The following QRFPR variants were observed in gnomAD, a reference collection of about 807,000 sequenced individuals.
QRFPR encodes the protein pyroglutamylated RFamide peptide receptor.
A neutral mutation model predicts 31.3 loss-of-function variants in QRFPR; 37 were observed. That is an observed-to-expected ratio of 1.18 (90% CI 0.91 to 1.56). QRFPR has a LOEUF of 1.56. Ranked by LOEUF, QRFPR falls within the 40% of genes most tolerant of loss-of-function variation. The pLI is 0.00. For missense variants in QRFPR, 542 were observed against 532.5 expected, an observed-to-expected ratio of 1.02 and a Z score of -0.18; for synonymous variants, 197 against 192.0, an observed-to-expected ratio of 1.03 and a Z score of -0.22.
rs528855878 is a variant in QRFPR at position 121,335,114 on chromosome 4, T to G, written c.561+1693A>C. Reference sequence around the variant, plus strand: ...GACTCATCTATTTGACAGTGAGGACTGGCTTTGCCAATGACATGACATGCA... The same window carrying G: ...GACTCATCTATTTGACAGTGAGGACGGGCTTTGCCAATGACATGACATGCA... On this transcript the variant is annotated intron_variant, in intron 3 of 5. Transcript: ENST00000394427. 3.9e-5 allele frequency among the ~76,000 whole-genome samples: 6 copies of G among 152,352 alleles called. No individual in the cohort carries two copies. The East Asian group carries it at 9.6e-4, about 24-fold the overall frequency.
chr4:121,347,707 A>G (rs536360386), intron 1 of QRFPR, among the ~76,000 whole-genome samples: 2 of 152,134 alleles, frequency 1.3e-5, no homozygotes, highest in South Asian at 2.1e-4. Context: ...CTTTCTCCAA[A>G]TGTCTTTTAT....
At chr4:121,363,417 C>A (rs1726027884) in intron 1 of QRFPR, among the ~76,000 whole-genome samples, 1 of 150,050 alleles carries the variant, frequency 6.7e-6, no homozygotes, top group Non-Finnish European at 1.5e-5. Flanking sequence ...CCCTTCCTTA[C>A]CAACCCTGCT....
At chr4:121,361,424 A>G (rs1386582262) in intron 1 of QRFPR, among the ~76,000 whole-genome samples, 1 of 150,156 alleles carries the variant, frequency 6.7e-6, no homozygotes, top group Non-Finnish European at 1.5e-5. Context: ...AGAGATACGC[A>G]GCCATGGTCT....
chr4:121,342,777 A>T, intron 1 of QRFPR, among the ~76,000 whole-genome samples: 1 of 152,148 alleles, frequency 6.6e-6, no homozygotes, highest in Non-Finnish European at 1.5e-5. Context: ...ATATTCATTG[A>T]ATTGAAAAGA....
chr4:121,369,288 C>A, intron 1 of QRFPR: 2 of 401,548 alleles, frequency 5.0e-6, no homozygotes, highest in Admixed American at 4.0e-5. Context: ...CTTGGCCTCC[C>A]AAAGTGTTGG....
intron 1 of QRFPR, among the ~76,000 whole-genome samples, chr4:121,365,499 TAA>T (rs1491369693): frequency 0.055 from 88 of 1,606 alleles, 5 homozygotes; most frequent in African/African-American, 0.15. Context: ...ATTATATATA[TAA>T]TATATATAAT....
intron 1 of QRFPR, among the ~76,000 whole-genome samples, chr4:121,345,882 G>A (rs1725636690): frequency 1.3e-5 from 2 of 152,220 alleles, no homozygotes; most frequent in South Asian, 4.2e-4. Flanking sequence ...AAAACAGTTT[G>A]GGCAGTGTTC....
intron 1 of QRFPR, among the ~76,000 whole-genome samples, chr4:121,351,306 A>G (rs1725756667): frequency 6.6e-6 from 1 of 152,202 alleles, no homozygotes; most frequent in Non-Finnish European, 1.5e-5. Flanking sequence ...CACAGCTCAT[A>G]TGAATTCTGT....
intron 1 of QRFPR, among the ~76,000 whole-genome samples, chr4:121,349,280 T>C (rs1457531026): frequency 6.6e-6 from 1 of 152,102 alleles, no homozygotes; most frequent in East Asian, 1.9e-4. Flanking sequence ...ATTTGGCAAC[T>C]CTCAGTCCTT....
intron 1 of QRFPR, among the ~76,000 whole-genome samples, chr4:121,365,578 ATAT>A (rs1334931229): frequency 0.021 from 21 of 1,018 alleles, 3 homozygotes; most frequent in African/African-American, 0.056. Flanking sequence ...TATATAATAT[ATAT>A]TATATATATT....
chr4:121,371,263 T>C (rs906633044), intron 1 of QRFPR, among the ~76,000 whole-genome samples: 3 of 152,230 alleles, frequency 2.0e-5, no homozygotes, highest in African/African-American at 7.2e-5. Context: ...CAAAGACAGA[T>C]AAAAACAATA....
At position 121,330,414 on chromosome 4, in the gene QRFPR, A is replaced by G. The variant is rs190257498; in HGVS notation, c.895+12T>C. On this transcript the variant is annotated intron_variant, in intron 5 of 5. Coordinates refer to ENST00000394427, the MANE Select transcript of QRFPR (RefSeq NM_198179.3). ...TGAGAATGTCTATCAAATGAGAATG[A>G]CAAGCACTCACTGTATTCAATCATC... The G allele has an allele frequency of 1.9e-6, 3 of 1,561,234 alleles. No individual in the cohort carries two copies. In the Admixed American group the frequency reaches 5.0e-5, roughly 26 times the overall value.
chr4:121,369,730 G>A, intron 1 of QRFPR: 2 of 1,601,556 alleles, frequency 1.2e-6, no homozygotes, highest in Non-Finnish European at 1.7e-6. Flanking sequence ...AGTCCATGGT[G>A]CTAGGATTTG....
At chr4:121,331,477 C>G (rs1392690117) in intron 4 of QRFPR, among the ~76,000 whole-genome samples, 1 of 151,532 alleles carries the variant, frequency 6.6e-6, no homozygotes. Flanking sequence ...AGCCACCACA[C>G]CCGGCCTGAT....
In QRFPR at chr4:121,367,932, G is replaced by A. The variant is rs1385083212; in HGVS notation, c.340+12376C>T. Among the ~76,000 whole-genome samples the A allele has an allele frequency of 7.5e-5, 11 of 147,186 alleles. 1 individual carries two copies. The highest frequency in any genetic ancestry group is 1.6e-4 in the Non-Finnish European group (11 of 67,016). On this transcript the variant is annotated intron_variant, in intron 1 of 5. Transcript: ENST00000394427. The stretch of plus-strand genomic sequence containing the variant: ...AAGGATTTTTATTGTCAAAACAAGA[G>A]ATCACAATAGAAGACACAAATAAAT...
chr4:121,371,546 GGA>G (rs1200680654), intron 1 of QRFPR, among the ~76,000 whole-genome samples: 1 of 152,138 alleles, frequency 6.6e-6, no homozygotes, highest in Admixed American at 6.5e-5. Context: ...AGCAGCAGAG[GGA>G]GATCCCAGCA....
chr4:121,341,040 C>A (rs984770026), intron 1 of QRFPR, among the ~76,000 whole-genome samples: 6 of 151,908 alleles, frequency 3.9e-5, no homozygotes, highest in African/African-American at 1.5e-4. Flanking sequence ...CATATTTCTT[C>A]TTTTATCATT....
At chr4:121,344,605 T>C (rs1725609181) in intron 1 of QRFPR, among the ~76,000 whole-genome samples, 1 of 152,204 alleles carries the variant, frequency 6.6e-6, no homozygotes, top group Non-Finnish European at 1.5e-5. Context: ...GCTCTTTTGC[T>C]ATCTACTTAC....
intron 1 of QRFPR, among the ~76,000 whole-genome samples, chr4:121,374,718 A>G (rs1462697474): frequency 6.6e-6 from 1 of 152,200 alleles, no homozygotes; most frequent in Admixed American, 6.5e-5. Context: ...TTACCACTCT[A>G]AGAGGAATTC....
Sources: allele counts gnomAD v4.1 joint callset (sites outside exome capture counted in the v4.1 genomes callset), GRCh38; gene constraint gnomAD v4.1.1; transcripts MANE v1.5; gene names NCBI Gene and HGNC (gene_info 2026-07-23, HGNC 2026-07-21).